Variants in PCDH11Y observed in about 807,000 individuals in gnomAD.
PCDH11Y encodes protocadherin-11 Y-linked.
For synonymous variants in PCDH11Y, 9 were observed against 83.6 expected, an observed-to-expected ratio of 0.11 and a Z score of 4.87; for missense variants, 12 against 224.8, an observed-to-expected ratio of 0.05 and a Z score of 6.05.
chrY:5,557,734 G>A, intron 3 of PCDH11Y, among the ~76,000 whole-genome samples: 1 of 32,690 alleles, frequency 3.1e-5, no homozygotes, highest in Admixed American at 2.8e-4. Context: ...GTGATAGTAG[G>A]CATTCATGTC....
At chrY:5,231,679 G>A in intron 2 of PCDH11Y, among the ~76,000 whole-genome samples, 1 of 32,703 alleles carries the variant, frequency 3.1e-5, no homozygotes, top group African/African-American at 1.2e-4. Context: ...AGGCTCTGGT[G>A]CTCTACAATC....
intron 2 of PCDH11Y, among the ~76,000 whole-genome samples, chrY:5,400,739 G>T (rs1602919828): frequency 3.8e-5 from 1 of 26,598 alleles, no homozygotes; most frequent in African/African-American, 1.4e-4. Context: ...AAAGCAAGCA[G>T]ATATAGTACA....
chrY:5,071,194 A>C (rs1569474726), intron 1 of PCDH11Y, among the ~76,000 whole-genome samples: 39 of 25,196 alleles, frequency 1.5e-3, no homozygotes, highest in Non-Finnish European at 5.6e-4. Flanking sequence ...TTCTTTGTAC[A>C]TGCCATTATG....
intron 4 of PCDH11Y, among the ~76,000 whole-genome samples, chrY:5,589,287 A>G: frequency 6.3e-5 from 2 of 31,720 alleles, no homozygotes; most frequent in African/African-American, 2.5e-4. Flanking sequence ...ATGAGATCTG[A>G]TGGTTTTATA....
intron 2 of PCDH11Y, among the ~76,000 whole-genome samples, chrY:5,178,559 A>G: frequency 3.0e-5 from 1 of 33,220 alleles, no homozygotes; most frequent in Non-Finnish European, 7.4e-5. Flanking sequence ...AAATGACAGC[A>G]TAATAGTAAA....
downstream of PCDH11Y, among the ~76,000 whole-genome samples, chrY:5,106,083 T>C: frequency 3.0e-5 from 1 of 33,579 alleles, no homozygotes; most frequent in African/African-American, 1.2e-4. Flanking sequence ...GCCTCATATT[T>C]TGTGTACATT....
At chrY:5,123,619 A>C in intron 2 of PCDH11Y, among the ~76,000 whole-genome samples, 1 of 33,181 alleles carries the variant, frequency 3.0e-5, no homozygotes, top group Non-Finnish European at 7.4e-5. Context: ...CCATAGGCAT[A>C]GGGAGATATT....
At chrY:5,353,521 T>C (rs2053161951) in intron 2 of PCDH11Y, among the ~76,000 whole-genome samples, 1 of 32,401 alleles carries the variant, frequency 3.1e-5, no homozygotes, top group African/African-American at 1.2e-4. Flanking sequence ...TGCAAACATA[T>C]ACAGGACATT....
intron 2 of PCDH11Y, among the ~76,000 whole-genome samples, chrY:5,234,236 CTTTTTTTTTTTTTTT>C (rs2052971971): frequency 7.7e-5 from 1 of 13,007 alleles, no homozygotes; most frequent in Non-Finnish European, 1.7e-4. Flanking sequence ...GTGACTGTTG[CTTTTTTTTTTTTTTT>C]TTTTTTTTTT....
rs374505075 is a variant in PCDH11Y, at chrY:5,181,363, A to G, written c.3129+80656A>G. ...CTGCCCTTTTAACATTTTTTCTTCA[A>G]TTTTGATCTTGGAGAATCTGATCAT... On this transcript the variant is annotated intron_variant, in intron 2 of 4. Coordinates refer to the PCDH11Y transcript ENST00000400457. Among the ~76,000 whole-genome samples, 66 of 32,057 alleles carry G rather than the reference A, an allele frequency of 2.1e-3. No individual in the cohort carries two copies. In the East Asian group the frequency reaches 0.053, roughly 26 times the overall value. 86.0% of individuals were successfully genotyped at this position (32,057 alleles called of 37,273 possible).
At chrY:5,341,393 C>A in intron 2 of PCDH11Y, among the ~76,000 whole-genome samples, 1 of 32,911 alleles carries the variant, frequency 3.0e-5, no homozygotes, top group African/African-American at 1.2e-4. Context: ...CAGACATGAG[C>A]CACCGTGCTC....
intron 2 of PCDH11Y, among the ~76,000 whole-genome samples, chrY:5,136,283 G>A: frequency 6.2e-5 from 2 of 32,017 alleles, no homozygotes; most frequent in South Asian, 7.3e-4. Context: ...AAGGGGGAGA[G>A]CACGACATCA....
chrY:5,486,942 C>T (rs2053333803), intron 2 of PCDH11Y, among the ~76,000 whole-genome samples: 6 of 22,769 alleles, frequency 2.6e-4, no homozygotes, highest in African/African-American at 1.1e-3. Context: ...TTAGTAGAGA[C>T]GGGGTTTCAC....
At chrY:5,532,415 T>C (rs2053394519) in intron 3 of PCDH11Y, among the ~76,000 whole-genome samples, 1 of 29,240 alleles carries the variant, frequency 3.4e-5, no homozygotes, top group Non-Finnish European at 8.0e-5. Flanking sequence ...GTCTGTTTTC[T>C]GTTTTTTTGT....
intron 3 of PCDH11Y, among the ~76,000 whole-genome samples, chrY:5,523,239 A>AT (rs2053383224): frequency 2.4e-4 from 8 of 33,418 alleles, no homozygotes; most frequent in Non-Finnish European, 4.5e-4. Context: ...TTATAAGCCT[A>AT]TTTTTTTAGC....
intron 2 of PCDH11Y, among the ~76,000 whole-genome samples, chrY:5,353,329 C>T: frequency 1.9e-4 from 6 of 31,657 alleles, no homozygotes; most frequent in Non-Finnish European, 4.6e-4. Context: ...TAAGATGATT[C>T]CTGTTTAATC....
chrY:5,455,030 A>T lies in PCDH11Y; in HGVS notation c.3130-46027A>T. On this transcript the variant is annotated intron_variant, in intron 2 of 4. Transcript: ENST00000400457. ...TCTGACACTTGGCTAATTTTTCAAC[A>T]TTTTATGCTCCGCTTCCCCATTAAG... 1.5e-4 allele frequency among the ~76,000 whole-genome samples: 5 copies of T among 33,430 alleles called. No individual in the cohort carries two copies. In the South Asian group the frequency reaches 3.3e-3, roughly 22 times the overall value. The allele number at this position is 33,430 out of a possible 37,273, so 89.7% of individuals were successfully genotyped here.
intron 2 of PCDH11Y, among the ~76,000 whole-genome samples, chrY:5,466,681 G>A: frequency 3.1e-5 from 1 of 32,706 alleles, no homozygotes; most frequent in Admixed American, 2.8e-4. Context: ...GAGAAATTCA[G>A]CATCATAGAG....
At position 5,371,846 on chromosome Y, in the gene PCDH11Y, C is replaced by T. The variant is rs2124673199; in HGVS notation, c.3130-129211C>T. Among the ~76,000 whole-genome samples the T allele has an allele frequency of 5.2e-4, 17 of 32,577 alleles. No individual in the cohort carries two copies. The South Asian group carries it at 0.012, about 23-fold the overall frequency. 87.4% of individuals were successfully genotyped at this position (32,577 alleles called of 37,273 possible). On this transcript the variant is annotated intron_variant, in intron 2 of 4. Transcript: ENST00000400457. ...CCAGGAGGTGGAGGTTGCAGTGAGC[C>T]GAGATCGCACCACTGCACTCAAGCC...
Sources: allele counts gnomAD v4.1 joint callset (sites outside exome capture counted in the v4.1 genomes callset), GRCh38; gene constraint gnomAD v4.1.1; transcripts MANE v1.5; gene names NCBI Gene and HGNC (gene_info 2026-07-23, HGNC 2026-07-21).